The following MINDY3 variants were observed in gnomAD, a reference collection of about 807,000 sequenced individuals.
The protein encoded by MINDY3 is MINDY lysine 48 deubiquitinase 3, also known as ubiquitin carboxyl-terminal hydrolase MINDY-3.
A neutral mutation model predicts 69.2 loss-of-function variants in MINDY3; 38 were observed. That is an observed-to-expected ratio of 0.55 (90% CI 0.42 to 0.72). The LOEUF is 0.72. MINDY3 is among the 30% of genes least tolerant of loss of function. The probability of loss-of-function intolerance (pLI) is 0.00; values close to 1 mark genes in which losing one functional copy is unlikely to be tolerated. For missense variants in MINDY3, 522 were observed against 519.0 expected (o/e 1.01, Z -0.06); for synonymous variants, 192 against 180.1 (o/e 1.07, Z -0.53).
intron 6 of MINDY3, 29 bp downstream of exon 6, chr10:15,837,175 A>G: frequency 7.6e-7 from 1 of 1,314,494 alleles, no homozygotes; most frequent in Non-Finnish European, 1.1e-6. Flanking sequence ...CATTAATCAA[A>G]GGCAGAAAAA....
chr10:15,823,993 T>C (rs1283949477), intron 8 of MINDY3, among the ~76,000 whole-genome samples: 1 of 152,178 alleles, frequency 6.6e-6, no homozygotes, highest in Non-Finnish European at 1.5e-5. Context: ...TTCTTTGTTA[T>C]TGTTTATAGA....
Position 15,782,112 on chromosome 10 carries a change from C to T in MINDY3, c.1188+43G>A, listed in dbSNP as rs1028684820. ...TTGTTACATACTCACATAATTATTT[C>T]ATCAACCCAGTTGAACACCGACGAC... On this transcript the variant is annotated intron_variant, in intron 14 of 14. Coordinates refer to ENST00000277632, the MANE Select transcript of MINDY3 (RefSeq NM_024948.4). The T allele has an allele frequency of 5.1e-6, 7 of 1,374,676 alleles. No homozygotes were observed. The African/African-American group carries it at 8.6e-5, about 17-fold the overall frequency. 85.2% of individuals were successfully genotyped at this position (1,374,676 alleles called of 1,614,324 possible).
intron 8 of MINDY3, among the ~76,000 whole-genome samples, chr10:15,830,468 G>A (rs1424246401): frequency 1.3e-5 from 2 of 152,206 alleles, no homozygotes; most frequent in Non-Finnish European, 2.9e-5. Flanking sequence ...TCCAACCACA[G>A]TAGTCTAATT....
intron 8 of MINDY3, among the ~76,000 whole-genome samples, chr10:15,828,435 A>G (rs567470641): frequency 6.6e-6 from 1 of 152,304 alleles, no homozygotes; most frequent in Non-Finnish European, 1.5e-5. Context: ...TATAAGGAGG[A>G]CAGGCTTTCT....
At chr10:15,847,778 T>C (rs1833955405) in intron 2 of MINDY3, 86 bp downstream of exon 2, 3 of 843,694 alleles carry the variant, frequency 3.6e-6, no homozygotes, top group East Asian at 2.5e-5. Context: ...TCATAATTAC[T>C]ATATGGAGTA....
chr10:15,852,021 G>A (rs570423865), intron 1 of MINDY3, among the ~76,000 whole-genome samples: 5 of 152,068 alleles, frequency 3.3e-5, no homozygotes, highest in Admixed American at 3.3e-4. Flanking sequence ...TCTCCATATA[G>A]ATAAATCCTT....
intron 8 of MINDY3, among the ~76,000 whole-genome samples, chr10:15,822,430 T>C (rs992078528): frequency 2.6e-5 from 4 of 152,144 alleles, no homozygotes; most frequent in African/African-American, 9.7e-5. Context: ...TTGAAGCGTA[T>C]TACAGTTCTC....
intron 10 of MINDY3, among the ~76,000 whole-genome samples, chr10:15,808,396 T>C (rs1291194113): frequency 2.0e-5 from 3 of 152,182 alleles, no homozygotes; most frequent in Non-Finnish European, 4.4e-5. Flanking sequence ...AAGCACCACT[T>C]TACAGCTTTT....
In MINDY3 at chr10:15,841,590, T is replaced by C. The variant is rs372973865; in HGVS notation, c.245A>G (p.Gln82Arg). The change falls in exon 4 of 15, where the codon CAG becomes CGG. Residue 82 changes from glutamine (Q) to arginine (R), a missense_variant. Coordinates refer to ENST00000277632, the MANE Select transcript of MINDY3 (RefSeq NM_024948.4). ...CAAGGTATGACAAAGGAGTTCCTTC[T>C]GCTCTTCCTCTAAAAATAACCAAAG... Reference protein sequence around the residue: ...SSWRDCSEEEQKELLCHTLCD... With the variant: ...SSWRDCSEEERKELLCHTLCD... 21 of 1,602,300 alleles carry C rather than the reference T, an allele frequency of 1.3e-5. No individual in the cohort carries two copies. Among genetic ancestry groups the C allele is most frequent in the Non-Finnish European group, 1.8e-5 (21 of 1,174,768 alleles).
Position 15,847,941 on chromosome 10 carries a change from A to G in MINDY3, c.97T>C (p.Phe33Leu). 1 of 1,613,276 alleles carries G rather than the reference A, an allele frequency of 6.2e-7. No individual in the cohort carries two copies. Among genetic ancestry groups the G allele is most frequent in the Non-Finnish European group, 8.5e-7 (1 of 1,179,262 alleles). Residue 33 changes from phenylalanine (F) to leucine (L), a missense_variant and splice_region_variant, in exon 2 of 15, where the codon TTT (phenylalanine) becomes CTT (leucine). Transcript: ENST00000277632. ...DTIFCRWTQG[F>L]VFSESEGSAL... ...GATCCCTCTGATTCACTAAACACAA[A>G]CCCTAAAAATGAAAGCAAGTAGGAA...
intron 11 of MINDY3, among the ~76,000 whole-genome samples, chr10:15,790,026 T>A (rs1162100303): frequency 6.6e-6 from 1 of 152,084 alleles, no homozygotes; most frequent in Non-Finnish European, 1.5e-5. Flanking sequence ...AGTGCCCAAT[T>A]TTCCCTATCC....
At chr10:15,842,731 T>A (rs375716036) in intron 3 of MINDY3, among the ~76,000 whole-genome samples, 1 of 151,802 alleles carries the variant, frequency 6.6e-6, no homozygotes, top group South Asian at 2.1e-4. Context: ...TATTATAAGG[T>A]GGCACCACAC....
intron 8 of MINDY3, among the ~76,000 whole-genome samples, chr10:15,827,143 G>T (rs1203246222): frequency 1.4e-5 from 2 of 142,732 alleles, no homozygotes; most frequent in Non-Finnish European, 3.0e-5. Flanking sequence ...AAAATCTGGG[G>T]GTGGGAGACA....
At chr10:15,834,496 T>TA in intron 7 of MINDY3, 47 bp downstream of exon 7, 1 of 1,365,258 alleles carries the variant, frequency 7.3e-7, no homozygotes, top group Non-Finnish European at 1.0e-6. Flanking sequence ...GTCAAGTTTC[T>TA]AAAAACTGGA....
At chr10:15,808,976 A>G (rs1418639814) in intron 10 of MINDY3, among the ~76,000 whole-genome samples, 1 of 152,128 alleles carries the variant, frequency 6.6e-6, no homozygotes, top group Non-Finnish European at 1.5e-5. Flanking sequence ...CAAAAAAGGC[A>G]TTTATTATGT....
intron 9 of MINDY3, among the ~76,000 whole-genome samples, chr10:15,821,433 C>T (rs1274121698): frequency 9.9e-5 from 15 of 152,026 alleles, no homozygotes; most frequent in Non-Finnish European, 2.1e-4. Flanking sequence ...GCCCCTCCTC[C>T]GACAAAAATA....
chr10:15,841,324 A>T lies in MINDY3; in HGVS notation c.409+102T>A, dbSNP rs921915155. ...TTAAGCTTAAGCTGGAAAAGAATACATGTTATGAAAATTTTAAGTAATTTT... is the reference window on the plus strand; with the variant it reads ...TTAAGCTTAAGCTGGAAAAGAATACTTGTTATGAAAATTTTAAGTAATTTT... On this transcript the variant is annotated intron_variant, in intron 4 of 14. Transcript: ENST00000277632. 3.4e-6 allele frequency: 3 copies of T among 883,112 alleles called. No individual in the cohort carries two copies. The African/African-American group carries it at 5.1e-5, about 15-fold the overall frequency. The allele number at this position is 883,112 out of a possible 1,614,324, so 54.7% of individuals were successfully genotyped here.
At chr10:15,845,967 C>T (rs1311029643) in intron 2 of MINDY3, among the ~76,000 whole-genome samples, 6 of 151,438 alleles carry the variant, frequency 4.0e-5, no homozygotes, top group Non-Finnish European at 7.4e-5. Context: ...GGATTACAGG[C>T]GCCTGCCACT....
chr10:15,779,332 A>G (rs529247452), intron 14 of MINDY3, among the ~76,000 whole-genome samples, 191 bp from the exon 15 acceptor site: 40 of 152,310 alleles, frequency 2.6e-4, no homozygotes, highest in African/African-American at 7.2e-4. Flanking sequence ...TAAATTTGTA[A>G]ACGATATTTA....
Sources: gnomAD v4.1 joint callset for allele counts (sites outside exome capture counted in the v4.1 genomes callset) on GRCh38, gnomAD v4.1.1 for gene constraint, MANE v1.5 for transcripts, NCBI Gene and HGNC (gene_info 2026-07-23, HGNC 2026-07-21) for gene names.